Variants in TTLL11 observed in about 807,000 individuals in gnomAD.
TTLL11 encodes tubulin polyglutamylase TTLL11.
A neutral mutation model predicts 51.7 loss-of-function variants in TTLL11; 42 were observed. The observed-to-expected ratio is 0.81, with a 90% confidence interval of 0.64 to 1.05. TTLL11 has a LOEUF of 1.05. Among genes scored for constraint, TTLL11 ranks in the 50% least tolerant of loss-of-function variants. TTLL11 has a pLI of 0.00. For synonymous variants in TTLL11, 381 were observed against 383.5 expected, an observed-to-expected ratio of 0.99 and a Z score of 0.08; for missense variants, 799 against 940.4, an observed-to-expected ratio of 0.85 and a Z score of 1.97.
intron 1 of TTLL11, among the ~76,000 whole-genome samples, chr9:122,045,550 C>CA (rs1361345678): frequency 1.3e-5 from 2 of 150,238 alleles, no homozygotes; most frequent in African/African-American, 2.4e-5. Context: ...GACTCCATCG[C>CA]AAAAAAAAGA....
intron 3 of TTLL11, among the ~76,000 whole-genome samples, chr9:122,024,534 C>T (rs72767719): frequency 0.044 from 6,703 of 152,210 alleles, 175 homozygotes; most frequent in African/African-American, 0.074. Flanking sequence ...GATTTCAAGG[C>T]TTATAAAGCT....
chr9:121,943,051 A>C (rs1456351733), intron 6 of TTLL11, among the ~76,000 whole-genome samples: 1 of 152,178 alleles, frequency 6.6e-6, no homozygotes, highest in African/African-American at 2.4e-5. Flanking sequence ...TGAAGATAAC[A>C]ATCCTAATCA....
chr9:121,906,370 A>G (rs952652230), intron 6 of TTLL11, among the ~76,000 whole-genome samples: 4 of 152,084 alleles, frequency 2.6e-5, no homozygotes, highest in Admixed American at 2.0e-4. Context: ...TGTCTTCTCC[A>G]TGAACCCTCC....
chr9:121,898,400 C>A (rs2131467294), intron 6 of TTLL11, among the ~76,000 whole-genome samples: 1 of 152,360 alleles, frequency 6.6e-6, no homozygotes, highest in African/African-American at 2.4e-5. Flanking sequence ...GGGCTTCAGG[C>A]AGATGGGGTA....
chr9:121,838,660 A>T (rs1004779626), intron 8 of TTLL11, among the ~76,000 whole-genome samples: 7 of 152,204 alleles, frequency 4.6e-5, no homozygotes, highest in African/African-American at 1.7e-4. Context: ...CGGAGGTTGC[A>T]GTGAGCTGAG....
At position 121,989,788 on chromosome 9, in the gene TTLL11, G is replaced by C. The variant is rs1564344638; in HGVS notation, c.694-18C>G. The C allele has an allele frequency of 1.3e-6, 2 of 1,573,294 alleles. No homozygotes were observed. The highest frequency in any genetic ancestry group is 1.7e-6 in the Non-Finnish European group (2 of 1,159,706). ...ATTTGAACCTGGAGGGGGAAAAAAG[G>C]ATGGCCGACATTATATTGTTTTCCC... is the stretch of plus-strand genomic sequence containing the variant. On this transcript the variant is annotated intron_variant, in intron 3 of 8. Transcript: ENST00000321582. The surrounding 1 kb of genome is among the most constrained non-coding windows in gnomAD (Gnocchi z 4.2).
rs1215725612 is a variant in TTLL11, at chr9:122,031,880, G to A, written c.560-24C>T. On this transcript the variant is annotated intron_variant, in intron 2 of 8. Transcript: ENST00000321582. ...GCCTGGGGAGAAGAGACGCTGTGAG[G>A]TTTTAACAACAGTGGGCTACTAGCT... 4 of 1,604,580 alleles carry A rather than the reference G, an allele frequency of 2.5e-6. No individual in the cohort carries two copies. The Admixed American group carries it at 6.7e-5, about 27-fold the overall frequency.
chr9:121,988,508 C>G (rs1005094926), intron 4 of TTLL11, among the ~76,000 whole-genome samples: 7 of 152,102 alleles, frequency 4.6e-5, no homozygotes, highest in Admixed American at 6.5e-5. Context: ...ACTCACCCCT[C>G]TGGCTTCAGC....
intron 4 of TTLL11, among the ~76,000 whole-genome samples, chr9:121,984,741 A>G (rs1000137972): frequency 6.6e-6 from 1 of 152,214 alleles, no homozygotes; most frequent in Non-Finnish European, 1.5e-5. Flanking sequence ...GGCCAAGGAG[A>G]TAATTAGATA....
At chr9:121,953,979 C>T (rs1458944191) in intron 6 of TTLL11, among the ~76,000 whole-genome samples, 1 of 152,154 alleles carries the variant, frequency 6.6e-6, no homozygotes, top group Non-Finnish European at 1.5e-5. Context: ...AGTAGTCAAG[C>T]CCAAGCCCTT....
chr9:121,865,322 G>T (rs535497298), intron 7 of TTLL11, among the ~76,000 whole-genome samples: 3 of 152,126 alleles, frequency 2.0e-5, no homozygotes, highest in Non-Finnish European at 4.4e-5. Context: ...AAGGGGAAAG[G>T]GGAAAGGAAG....
At chr9:121,971,138 G>A (rs1367148601) in intron 6 of TTLL11, among the ~76,000 whole-genome samples, 6 of 104,626 alleles carry the variant, frequency 5.7e-5, no homozygotes, top group African/African-American at 1.8e-4. Flanking sequence ...CCCCCCGCCC[G>A]GCCAGCCGCC....
At chr9:121,865,086 AG>A (rs1230936025) in intron 7 of TTLL11, among the ~76,000 whole-genome samples, 4 of 152,248 alleles carry the variant, frequency 2.6e-5, no homozygotes, top group Non-Finnish European at 5.9e-5. Flanking sequence ...TGACTTCGAA[AG>A]GCCATTGACA....
intron 7 of TTLL11, among the ~76,000 whole-genome samples, chr9:121,865,460 CA>C (rs1838149627): frequency 6.6e-6 from 1 of 152,118 alleles, no homozygotes; most frequent in Non-Finnish European, 1.5e-5. Flanking sequence ...CTGGTTTTGG[CA>C]AACTGCTTAA....
chr9:121,899,658 T>C (rs1449288524), intron 6 of TTLL11, among the ~76,000 whole-genome samples: 1 of 151,870 alleles, frequency 6.6e-6, no homozygotes, highest in Non-Finnish European at 1.5e-5. Context: ...CCTGCCTCAG[T>C]CTCCCAAAGT....
Position 121,998,636 on chromosome 9 carries a change from C to A in TTLL11, c.694-8866G>T, listed in dbSNP as rs1843363374. Among the ~76,000 whole-genome samples, 5 of 151,786 alleles carry A rather than the reference C, an allele frequency of 3.3e-5. 1 individual carries two copies. Among genetic ancestry groups the A allele is most frequent in the Admixed American group, 2.6e-4 (4 of 15,236 alleles). On this transcript the variant is annotated intron_variant, in intron 3 of 8. Coordinates refer to ENST00000321582, the MANE Select transcript of TTLL11 (RefSeq NM_001139442.2). ...AATATCAATGTCTTATTTTGCAACACTCAAACAAGGTGCCCTCCCTCCCAG... is the reference window on the plus strand; with the variant it reads ...AATATCAATGTCTTATTTTGCAACAATCAAACAAGGTGCCCTCCCTCCCAG...
intron 4 of TTLL11, among the ~76,000 whole-genome samples, chr9:121,988,591 A>C (rs935283544): frequency 1.3e-5 from 2 of 152,046 alleles, no homozygotes; most frequent in Non-Finnish European, 1.5e-5. Flanking sequence ...CTCTCGCTCC[A>C]GGTTTCAGTT....
At chr9:121,898,534 C>T (rs114574208) in intron 6 of TTLL11, among the ~76,000 whole-genome samples, 399 of 152,336 alleles carry the variant, frequency 2.6e-3, no homozygotes, top group African/African-American at 8.9e-3. Flanking sequence ...GCCTGGAAGG[C>T]AAAATGGCTG....
chr9:122,082,149 C>A (rs1280017440), intron 1 of TTLL11, among the ~76,000 whole-genome samples: 1 of 152,178 alleles, frequency 6.6e-6, no homozygotes, highest in African/African-American at 2.4e-5. Context: ...TACATATGCC[C>A]TTTCACCCAA....
Sources: gnomAD v4.1 joint callset for allele counts (sites outside exome capture counted in the v4.1 genomes callset) on GRCh38, gnomAD v4.1.1 for gene constraint, Gnocchi (gnomAD v3.1) non-coding constraint, MANE v1.5 for transcripts, NCBI Gene and HGNC (gene_info 2026-07-23, HGNC 2026-07-21) for gene names.